Variants in ITGB1BP1 observed in about 807,000 individuals in gnomAD.
The protein encoded by ITGB1BP1 is integrin beta-1-binding protein 1.
Under a neutral mutation model 28.0 loss-of-function variants are expected in ITGB1BP1, and 20 were observed. That is an observed-to-expected ratio of 0.71 (90% CI 0.50 to 1.04). The LOEUF is 1.04. ITGB1BP1 is among the 50% of genes least tolerant of loss of function. ITGB1BP1 has a pLI of 0.00. For missense variants in ITGB1BP1, 228 were observed against 242.5 expected (o/e 0.94, Z 0.40); for synonymous variants, 103 against 89.5 (o/e 1.15, Z -0.85).
chr2:9,414,559 T>C (rs1390130294), intron 2 of ITGB1BP1, among the ~76,000 whole-genome samples: 1 of 152,246 alleles, frequency 6.6e-6, no homozygotes, highest in Non-Finnish European at 1.5e-5. Flanking sequence ...CAAGATGCCT[T>C]CTATGAATAT....
Position 9,412,272 on chromosome 2 carries a change from G to T in ITGB1BP1, c.285C>A (p.Ala95=). The change falls in exon 4 of 7, where the codon GCC becomes GCA. Residue 95 remains alanine, a synonymous_variant. Coordinates refer to ENST00000355346, the MANE Select transcript of ITGB1BP1 (RefSeq NM_004763.5). ...PLDLINYIDV[A]QQDGKLPFVP... ...TTACGGAATTTTTTTTTTTTACCTG[G>T]GCAACGTCTATATAATTTATCAGGT... 6.2e-7 allele frequency: 1 copy of T among 1,604,360 alleles called. No individual in the cohort carries two copies. The highest frequency in any genetic ancestry group is 1.7e-5 in the Admixed American group (1 of 58,598).
intron 6 of ITGB1BP1, 38 bp downstream of exon 6, chr2:9,407,411 T>C (rs767633981): frequency 1.9e-6 from 3 of 1,612,912 alleles, no homozygotes; most frequent in Non-Finnish European, 1.7e-6. Flanking sequence ...TGTTGCGACT[T>C]GATGGGCAAG....
chr2:9,411,722 CA>C (rs532975208), intron 4 of ITGB1BP1, among the ~76,000 whole-genome samples: 56 of 131,824 alleles, frequency 4.2e-4, no homozygotes, highest in Admixed American at 1.4e-3. Context: ...GACTCCATCT[CA>C]AAAAAAAAAA....
Position 9,405,302 on chromosome 2 carries a change from A to G in ITGB1BP1, c.*1532T>C, listed in dbSNP as rs972805785. On this transcript the variant is annotated 3_prime_UTR_variant, in exon 7 of 7. Transcript: ENST00000355346. ...AAAAAAGCAACTAAGAGAAAGAAAA[A>G]CATTGTAGATATCTATTTATATTTA... 2 of 152,374 alleles carry G rather than the reference A, an allele frequency of 1.3e-5. No homozygotes were observed. The highest frequency in any genetic ancestry group is 4.8e-5 in the African/African-American group (2 of 41,468). 9.4% of individuals were successfully genotyped at this position (152,374 alleles called of 1,614,324 possible). A position where few individuals can be genotyped will look rare whatever the true frequency, so the allele number is the denominator to read the frequency against.
chr2:9,417,732 T>C (rs1174144053), intron 2 of ITGB1BP1, among the ~76,000 whole-genome samples: 1 of 152,184 alleles, frequency 6.6e-6, no homozygotes, highest in Non-Finnish European at 1.5e-5. Context: ...AAATAAGACC[T>C]TTTCTACCAG....
rs1468035564 is a variant in ITGB1BP1 at position 9,403,479 on chromosome 2, T to A, written c.*3355A>T. 10 of 611,136 alleles carry A rather than the reference T, an allele frequency of 1.6e-5. No homozygotes were observed. The highest frequency in any genetic ancestry group is 2.5e-5 in the Non-Finnish European group (9 of 357,036). 37.9% of individuals were successfully genotyped at this position (611,136 alleles called of 1,614,324 possible). A position where few individuals can be genotyped will look rare whatever the true frequency, so the allele number is the denominator to read the frequency against. ...GTTTTAAAAACTCAGAGGCAATTTT[T>A]ACATATCAGTAATTGTTTTTATAAT... is the stretch of plus-strand genomic sequence containing the variant. On this transcript the variant is annotated 3_prime_UTR_variant, in exon 7 of 7. Coordinates refer to ENST00000355346, the MANE Select transcript of ITGB1BP1 (RefSeq NM_004763.5).
intron 3 of ITGB1BP1, among the ~76,000 whole-genome samples, chr2:9,413,034 GC>G (rs1678652882): frequency 1.3e-5 from 2 of 152,022 alleles, no homozygotes; most frequent in South Asian, 4.1e-4. Context: ...TGTGTGTGCC[GC>G]AACATCCAGC....
At position 9,406,519 on chromosome 2, in the gene ITGB1BP1, G is replaced by A. The variant is rs550899987; in HGVS notation, c.*315C>T. 2 of 228,978 alleles carry A rather than the reference G, an allele frequency of 8.7e-6. No homozygotes were observed. The highest frequency in any genetic ancestry group is 9.6e-5 in the East Asian group (1 of 10,418). The allele number at this position is 228,978 out of a possible 1,614,324, so 14.2% of individuals were successfully genotyped here. ...CCTCTGTGACATCTCGTCTTCCTCA[G>A]GCCTTCAGTGTGTGTTTGTCACTGA... is the stretch of plus-strand genomic sequence containing the variant. On this transcript the variant is annotated 3_prime_UTR_variant, in exon 7 of 7. Transcript: ENST00000355346.
At chr2:9,418,778 T>A in intron 1 of ITGB1BP1, 46 bp from the exon 2 acceptor site, 3 of 733,124 alleles carry the variant, frequency 4.1e-6, no homozygotes, top group Non-Finnish European at 5.8e-6. Context: ...AAAAGCAACT[T>A]TTTTTTTTTT....
chr2:9,423,145 G>A (rs917232692), intron 1 of ITGB1BP1: 17 of 1,009,858 alleles, frequency 1.7e-5, no homozygotes, highest in African/African-American at 5.3e-5. Context: ...AGCGGCTCGG[G>A]AAGCTGCAGT....
At chr2:9,407,975 G>A (rs565241878) in intron 5 of ITGB1BP1, 138 bp downstream of exon 5, 69 of 632,456 alleles carry the variant, frequency 1.1e-4, no homozygotes, top group African/African-American at 7.4e-4. Context: ...AATTGGTCAC[G>A]TTTAAGACCA....
chr2:9,409,340 C>T (rs150284670), intron 4 of ITGB1BP1, among the ~76,000 whole-genome samples: 58 of 152,328 alleles, frequency 3.8e-4, no homozygotes, highest in African/African-American at 1.4e-3. Context: ...TTACAGTACC[C>T]GCTTGCCAAT....
In ITGB1BP1 at chr2:9,405,273, A is replaced by C. The variant is rs1024799130; in HGVS notation, c.*1561T>G. ...CTTTCTTAGTTATTTGCTCCTTGCA[A>C]ATTAAAAAAGCAACTAAGAGAAAGA... On this transcript the variant is annotated 3_prime_UTR_variant, in exon 7 of 7. Transcript: ENST00000355346. The C allele has an allele frequency of 4.6e-5, 7 of 152,280 alleles. No individual in the cohort carries two copies. Among genetic ancestry groups the C allele is most frequent in the African/African-American group, 1.4e-4 (6 of 41,476 alleles). The allele number at this position is 152,280 out of a possible 1,614,324, so 9.4% of individuals were successfully genotyped here. A position where few individuals can be genotyped will look rare whatever the true frequency, so the allele number is the denominator to read the frequency against.
In ITGB1BP1 at chr2:9,418,691, G is replaced by C. The variant is rs763086778; in HGVS notation, c.7C>G (p.Arg3Gly). The C allele has an allele frequency of 4.3e-6, 7 of 1,613,442 alleles. No individual in the cohort carries two copies. In the African/African-American group the frequency reaches 8.0e-5, roughly 19 times the overall value. MFRKGKKRHSSSS... is the reference protein window; with the variant it reads MFGKGKKRHSSSS... ...CTACTGTGTCGTTTTTTGCCCTTGC[G>C]AAACATTTTTCACCACCATTGCTTG... is the stretch of plus-strand genomic sequence containing the variant. Residue 3 changes from arginine to glycine, a missense_variant, in exon 2 of 7, where the codon CGC becomes GGC. Arg to Gly is a moderately radical substitution (Grantham distance 125). This residue lies in a region of ITGB1BP1 where 36 missense variants were observed against 61.0 expected (regional missense o/e 0.59). Coordinates refer to ENST00000355346, the MANE Select transcript of ITGB1BP1 (RefSeq NM_004763.5).
intron 4 of ITGB1BP1, among the ~76,000 whole-genome samples, chr2:9,411,835 G>A (rs1678440121): frequency 6.6e-6 from 1 of 152,018 alleles, no homozygotes; most frequent in Admixed American, 6.6e-5. Flanking sequence ...CTGAGGTCGG[G>A]AGTTCAAGAC....
chr2:9,420,159 A>G lies in ITGB1BP1; in HGVS notation c.-35-1427T>C, dbSNP rs571358725. 7.3e-5 allele frequency: 32 copies of G among 440,500 alleles called. 1 individual carries two copies. Among genetic ancestry groups the G allele is most frequent in the African/African-American group, 5.1e-4 (24 of 46,800 alleles). 27.3% of individuals were successfully genotyped at this position (440,500 alleles called of 1,614,324 possible). A position where few individuals can be genotyped will look rare whatever the true frequency, so the allele number is the denominator to read the frequency against. On this transcript the variant is annotated intron_variant, in intron 1 of 6. Coordinates refer to ENST00000355346, the MANE Select transcript of ITGB1BP1 (RefSeq NM_004763.5). Reference sequence around the variant, plus strand: ...GCAGTCAGTGAAAGCTCCTGCTGCAACCCAAAGATTCTCCGTATTTGGAGA... The same window carrying G: ...GCAGTCAGTGAAAGCTCCTGCTGCAGCCCAAAGATTCTCCGTATTTGGAGA...
At chr2:9,408,041 T>C (rs1677779959) in intron 5 of ITGB1BP1, 72 bp downstream of exon 5, 2 of 836,288 alleles carry the variant, frequency 2.4e-6, no homozygotes, top group South Asian at 1.5e-5. Flanking sequence ...GCCCTAATTA[T>C]AAGGGGGCTC....
chr2:9,415,272 G>C lies in ITGB1BP1; in HGVS notation c.73-1016C>G, dbSNP rs950481257. ...CGGGCACTTATAATCCTAGCTACTC[G>C]GGAGGCTGAGGCAGGAGAATAGCTT... On this transcript the variant is annotated intron_variant, in intron 2 of 6. Transcript: ENST00000355346. This position sits in a 1 kb window ranked among gnomAD's most constrained non-coding sequence, Gnocchi z 4.1. 1.3e-5 allele frequency among the ~76,000 whole-genome samples: 2 copies of C among 152,124 alleles called. No homozygotes were observed. The highest frequency in any genetic ancestry group is 2.9e-5 in the Non-Finnish European group (2 of 68,028).
At chr2:9,412,081 A>C in intron 4 of ITGB1BP1, 188 bp downstream of exon 4, 3 of 492,428 alleles carry the variant, frequency 6.1e-6, no homozygotes, top group East Asian at 3.7e-5. Context: ...GTTTGAAGGG[A>C]GGAACAGCGC....
Sources: gnomAD v4.1 joint callset for allele counts (sites outside exome capture counted in the v4.1 genomes callset) on GRCh38, gnomAD v4.1.1 for gene constraint, gnomAD v4.1.1 regional missense constraint, Gnocchi (gnomAD v3.1) non-coding constraint, MANE v1.5 for transcripts, NCBI Gene and HGNC (gene_info 2026-07-23, HGNC 2026-07-21) for gene names.